The following NFATC2 variants were observed in gnomAD, a reference collection of about 807,000 sequenced individuals.
NFATC2 encodes nuclear factor of activated T-cells, cytoplasmic 2.
NFATC2 carries 22 observed loss-of-function variants against 87.3 expected under a neutral mutation model. The observed-to-expected ratio is 0.25, with a 90% CI of 0.18 to 0.36. The LOEUF (loss-of-function observed/expected upper bound fraction) is 0.36. NFATC2 is among the 10% of genes least tolerant of loss of function. The pLI is 1.00. For synonymous variants in NFATC2, 565 were observed against 542.2 expected, an observed-to-expected ratio of 1.04 and a Z score of -0.58; for missense variants, 1,149 against 1,259.1, an observed-to-expected ratio of 0.91 and a Z score of 1.32.
At chr20:51,448,744 T>C (rs1985406434) in intron 6 of NFATC2, among the ~76,000 whole-genome samples, 1 of 152,130 alleles carries the variant, frequency 6.6e-6, no homozygotes, top group Non-Finnish European at 1.5e-5. Flanking sequence ...CTTGGGGTGT[T>C]TGAGGACAGA....
chr20:51,429,748 A>T (rs1411327028), intron 9 of NFATC2, among the ~76,000 whole-genome samples: 1 of 152,128 alleles, frequency 6.6e-6, no homozygotes, highest in African/African-American at 2.4e-5. Context: ...AAAAACAAAA[A>T]ACTTGGTTTA....
chr20:51,497,759 G>A (rs1329866692), intron 3 of NFATC2, among the ~76,000 whole-genome samples: 1 of 152,244 alleles, frequency 6.6e-6, no homozygotes. Flanking sequence ...TGAGATCTGA[G>A]AGGCACGCTT....
Position 51,396,033 on chromosome 20 carries a change from A to AGTAT in NFATC2, c.*44+2606_*44+2609dup, listed in dbSNP as rs1331304403. 5.0e-4 allele frequency among the ~76,000 whole-genome samples: 23 copies of AGTAT among 46,446 alleles called. No homozygotes were observed. The South Asian group carries it at 7.3e-3, about 15-fold the overall frequency. 30.5% of individuals were successfully genotyped at this position (46,446 alleles called of 152,430 possible). A position where few individuals can be genotyped will look rare whatever the true frequency, so the allele number is the denominator to read the frequency against. On this transcript the variant is annotated intron_variant, in intron 10 of 10. Coordinates refer to ENST00000371564, the MANE Select transcript of NFATC2 (RefSeq NM_012340.5). ...CAAGAGCTGTAGTTTGTCAGCTCCT[A>AGTAT]GTATGTATATATATATATATATATA...
intron 5 of NFATC2, among the ~76,000 whole-genome samples, chr20:51,473,680 G>A (rs1208555312): frequency 1.3e-5 from 2 of 152,196 alleles, no homozygotes; most frequent in Non-Finnish European, 2.9e-5. Context: ...TTTAAGACCA[G>A]AATGATATTT....
chr20:51,512,693 T>C (rs2076290915), intron 3 of NFATC2, among the ~76,000 whole-genome samples: 2 of 152,170 alleles, frequency 1.3e-5, no homozygotes, highest in Admixed American at 1.3e-4. Flanking sequence ...TCTTTTTATA[T>C]AAAGAGGAGC....
At chr20:51,555,746 C>T (rs1021832303) in intron 1 of NFATC2, among the ~76,000 whole-genome samples, 4 of 152,174 alleles carry the variant, frequency 2.6e-5, no homozygotes, top group Non-Finnish European at 4.4e-5. Context: ...ACACATCGCT[C>T]ATTCTGCCTG....
chr20:51,543,554 G>A (rs1427879241), upstream of NFATC2, among the ~76,000 whole-genome samples: 1 of 152,182 alleles, frequency 6.6e-6, no homozygotes, highest in African/African-American at 2.4e-5. Context: ...GAGCTCGAAG[G>A]GGCTGGGTGT....
chr20:51,392,029 A>ATGTT (rs1475235222), intron 10 of NFATC2, among the ~76,000 whole-genome samples: 1 of 152,260 alleles, frequency 6.6e-6, no homozygotes, highest in African/African-American at 2.4e-5. Flanking sequence ...GCCATAGGGC[A>ATGTT]TGTTTGAAGT....
Position 51,396,034 on chromosome 20 carries a change from GTATGTATATATATATATATATATATA to G in NFATC2, c.*44+2583_*44+2608del, listed in dbSNP as rs1251873127. On this transcript the variant is annotated intron_variant, in intron 10 of 10. Transcript: ENST00000371564. ...AAGAGCTGTAGTTTGTCAGCTCCTA[GTATGTATATATATATATATATATATA>G]TATATATATATATATATATATATAT... Among the ~76,000 whole-genome samples the G allele has an allele frequency of 2.9e-3, 372 of 126,512 alleles. 7 individuals carry two copies. Among genetic ancestry groups the G allele is most frequent in the Middle Eastern group, 0.013 (3 of 232 alleles). 83.0% of individuals were successfully genotyped at this position (126,512 alleles called of 152,430 possible).
intron 1 of NFATC2, among the ~76,000 whole-genome samples, chr20:51,528,085 CA>C (rs56201141): frequency 0.34 from 32,493 of 94,276 alleles, 3,532 homozygotes; most frequent in African/African-American, 0.41. Context: ...GAACCTGTCC[CA>C]AAAAAAAAAA....
At chr20:51,492,212 C>T (rs2075903709) in intron 3 of NFATC2, among the ~76,000 whole-genome samples, 1 of 151,976 alleles carries the variant, frequency 6.6e-6, no homozygotes, top group Non-Finnish European at 1.5e-5. Context: ...TAGACGAGGT[C>T]CCTGGCTGCC....
Position 51,424,119 on chromosome 20 carries a change from G to A in NFATC2, c.2722+7948C>T, listed in dbSNP as rs2051882209. Among the ~76,000 whole-genome samples the A allele has an allele frequency of 2.0e-5, 3 of 152,196 alleles. No homozygotes were observed. The South Asian group carries it at 6.2e-4, about 32-fold the overall frequency. On this transcript the variant is annotated intron_variant, in intron 9 of 10. Coordinates refer to ENST00000371564, the MANE Select transcript of NFATC2 (RefSeq NM_012340.5). ...ACCTGCATATCGTTTAGGCACCCAG[G>A]AGAGGGACAGAGAACGGCTACCAGC...
chr20:51,471,476 A>T (rs1000757479), intron 5 of NFATC2, among the ~76,000 whole-genome samples: 1 of 152,200 alleles, frequency 6.6e-6, no homozygotes, highest in African/African-American at 2.4e-5. Context: ...TGGGGTTTTC[A>T]ACATGTTTTC....
At chr20:51,447,614 T>C (rs148859534) in intron 6 of NFATC2, among the ~76,000 whole-genome samples, 81 of 152,338 alleles carry the variant, frequency 5.3e-4, no homozygotes, top group Middle Eastern at 3.4e-3. Flanking sequence ...TTTTCCTGTT[T>C]TGCAATGTTT....
chr20:51,475,516 C>A lies in NFATC2; in HGVS notation c.1477G>T (p.Val493Leu). The A allele has an allele frequency of 6.2e-7, 1 of 1,614,168 alleles. No homozygotes were observed. The highest frequency in any genetic ancestry group is 8.5e-7 in the Non-Finnish European group (1 of 1,180,040). ...TVTTTSYEKIVGNTKVLEIPL... is the reference protein window; with the variant it reads ...TVTTTSYEKILGNTKVLEIPL... Reference sequence around the variant, plus strand: ...ATCTCCAGGACTTTGGTGTTGCCCACTATCTTCTCATAGCTGGTGGTGGTG... The same window carrying A: ...ATCTCCAGGACTTTGGTGTTGCCCAATATCTTCTCATAGCTGGTGGTGGTG... The change falls in exon 4 of 11, where the codon GTG becomes TTG. Residue 493 changes from valine (V) to leucine (L), a missense_variant. This residue lies in a region of NFATC2 where 581 missense variants were observed against 649.7 expected (regional missense o/e 0.89). Transcript: ENST00000371564.
intron 3 of NFATC2, among the ~76,000 whole-genome samples, chr20:51,507,056 C>T (rs909918253): frequency 6.6e-6 from 1 of 152,210 alleles, no homozygotes; most frequent in Non-Finnish European, 1.5e-5. Context: ...GCTCCACAGG[C>T]GTCTGGGCTC....
intron 9 of NFATC2, among the ~76,000 whole-genome samples, chr20:51,431,835 G>A (rs1039043337): frequency 1.3e-5 from 2 of 152,070 alleles, no homozygotes; most frequent in East Asian, 3.9e-4. Context: ...GATTCTGGAG[G>A]GGGGCATCTG....
At chr20:51,471,394 C>T (rs1988187499) in intron 5 of NFATC2, among the ~76,000 whole-genome samples, 1 of 152,184 alleles carries the variant, frequency 6.6e-6, no homozygotes, top group Non-Finnish European at 1.5e-5. Flanking sequence ...GGGGCAGCCA[C>T]CATGACCAGC....
At chr20:51,472,629 C>CTTTTTTTTTTTTTTTTTTTT (rs1223762055) in intron 5 of NFATC2, among the ~76,000 whole-genome samples, 4 of 92,734 alleles carry the variant, frequency 4.3e-5, no homozygotes, top group Non-Finnish European at 6.1e-5. Context: ...CTTCTTTCTT[C>CTTTTTTTTTTTTTTTTTTTT]TTTTTTTTTT....
Sources: allele counts gnomAD v4.1 joint callset (sites outside exome capture counted in the v4.1 genomes callset), GRCh38; gene constraint gnomAD v4.1.1; regional missense constraint gnomAD v4.1.1; transcripts MANE v1.5; gene names NCBI Gene and HGNC (gene_info 2026-07-23, HGNC 2026-07-21).